Variants in TMEM117 observed in about 807,000 individuals in gnomAD.
The protein encoded by TMEM117 is transmembrane protein 117.
In TMEM117, 27 loss-of-function variants were observed where a neutral mutation model predicts 52.4. The observed-to-expected ratio is 0.51, with a 90% confidence interval of 0.38 to 0.71. TMEM117 has a LOEUF of 0.71. TMEM117 is among the 30% of genes least tolerant of loss of function. The pLI is 0.00. For synonymous variants in TMEM117, 215 were observed against 206.3 expected, an observed-to-expected ratio of 1.04 and a Z score of -0.36; for missense variants, 556 against 630.5, an observed-to-expected ratio of 0.88 and a Z score of 1.26.
chr12:43,868,726 A>G (rs2447116), intron 2 of TMEM117, among the ~76,000 whole-genome samples: 110,129 of 152,168 alleles, frequency 0.72, 43,217 homozygotes, highest in East Asian at 0.94. Context: ...TTATATTTTA[A>G]ATGCTTATAT....
rs531214350 is a variant in TMEM117, at chr12:44,166,836, T to C, written c.510+23212T>C. ...TTCCTGTCTCTGAAATTAGCCTCTC[T>C]ACCCAAATTTACAAGGCTTGTTATC... On this transcript the variant is annotated intron_variant, in intron 4 of 7. Transcript: ENST00000266534. Among the ~76,000 whole-genome samples, 8 of 152,338 alleles carry C rather than the reference T, an allele frequency of 5.3e-5. No homozygotes were observed. The South Asian group carries it at 1.7e-3, about 32-fold the overall frequency.
At chr12:44,164,841 A>G (rs1041004651) in intron 4 of TMEM117, among the ~76,000 whole-genome samples, 7 of 152,182 alleles carry the variant, frequency 4.6e-5, no homozygotes, top group African/African-American at 1.4e-4. Flanking sequence ...ATATTTTGAT[A>G]CATGCATGCA....
intron 3 of TMEM117, among the ~76,000 whole-genome samples, chr12:44,133,657 A>G (rs549994068): frequency 2.3e-4 from 35 of 152,066 alleles, no homozygotes; most frequent in Non-Finnish European, 4.7e-4. Flanking sequence ...GGCAATGAGA[A>G]CTAATTCACT....
chr12:44,278,361 C>A (rs1950540322), intron 5 of TMEM117, among the ~76,000 whole-genome samples: 1 of 152,194 alleles, frequency 6.6e-6, no homozygotes, highest in Non-Finnish European at 1.5e-5. Context: ...ATCTGAATAT[C>A]TGTCTTACAG....
intron 3 of TMEM117, among the ~76,000 whole-genome samples, chr12:44,075,625 G>A (rs558308138): frequency 2.0e-5 from 3 of 152,262 alleles, no homozygotes; most frequent in Non-Finnish European, 2.9e-5. Flanking sequence ...TATGCCAGTG[G>A]TAAGGTCAAG....
At chr12:44,120,983 G>A (rs1055296755) in intron 3 of TMEM117, among the ~76,000 whole-genome samples, 1 of 152,198 alleles carries the variant, frequency 6.6e-6, no homozygotes, top group Non-Finnish European at 1.5e-5. Flanking sequence ...AGGTTTATTG[G>A]ACTTACAGTT....
intron 3 of TMEM117, among the ~76,000 whole-genome samples, chr12:44,103,589 C>T (rs1476597336): frequency 6.6e-6 from 1 of 151,678 alleles, no homozygotes; most frequent in African/African-American, 2.4e-5. Flanking sequence ...CTTCTCATTC[C>T]TTTTTAATGT....
At chr12:44,235,372 CTTT>C (rs199764314) in intron 5 of TMEM117, among the ~76,000 whole-genome samples, 1 of 142,814 alleles carries the variant, frequency 7.0e-6, no homozygotes, top group Non-Finnish European at 1.5e-5. Context: ...ATCTGAAAAT[CTTT>C]TTTTTTTTTG....
intron 6 of TMEM117, among the ~76,000 whole-genome samples, chr12:44,371,954 C>T (rs1465448498): frequency 1.3e-5 from 2 of 152,210 alleles, no homozygotes; most frequent in East Asian, 1.9e-4. Context: ...ATGGGAAATA[C>T]ACCCATATGA....
At chr12:44,039,298 T>A (rs1265386458) in intron 3 of TMEM117, among the ~76,000 whole-genome samples, 1 of 151,794 alleles carries the variant, frequency 6.6e-6, no homozygotes, top group Non-Finnish European at 1.5e-5. Context: ...GTTTCTGGGC[T>A]CTGTACTCCT....
chr12:44,334,534 G>A (rs1951314336), intron 6 of TMEM117, among the ~76,000 whole-genome samples: 1 of 152,054 alleles, frequency 6.6e-6, no homozygotes, highest in Non-Finnish European at 1.5e-5. Context: ...AATGTGGTTG[G>A]TGCACATTTC....
chr12:43,935,250 A>G lies in TMEM117; in HGVS notation c.278-8960A>G, dbSNP rs370447156. 1.2e-3 allele frequency among the ~76,000 whole-genome samples: 179 copies of G among 152,330 alleles called. 1 individual carries two copies. The highest frequency in any genetic ancestry group is 3.7e-3 in the African/African-American group (154 of 41,570). Reference sequence around the variant, plus strand: ...AGTTTTTAGTTAGTGAATTTAAACAAAAATAGTCATATCATGTTTTTATAA... The same window carrying G: ...AGTTTTTAGTTAGTGAATTTAAACAGAAATAGTCATATCATGTTTTTATAA... On this transcript the variant is annotated intron_variant, in intron 2 of 7. Transcript: ENST00000266534.
intron 6 of TMEM117, among the ~76,000 whole-genome samples, chr12:44,358,293 C>G (rs1294148054): frequency 6.6e-6 from 1 of 151,500 alleles, no homozygotes; most frequent in African/African-American, 2.4e-5. Context: ...GGTAATGAAC[C>G]TGTATATATA....
At chr12:44,092,492 C>A (rs1042850088) in intron 3 of TMEM117, among the ~76,000 whole-genome samples, 1 of 152,088 alleles carries the variant, frequency 6.6e-6, no homozygotes, top group South Asian at 2.1e-4. Context: ...TGCTTTAATG[C>A]TAGCTTGTGT....
At chr12:44,368,587 A>T (rs1157948680) in intron 6 of TMEM117, among the ~76,000 whole-genome samples, 1 of 152,166 alleles carries the variant, frequency 6.6e-6, no homozygotes, top group Non-Finnish European at 1.5e-5. Context: ...CCTACTTTTG[A>T]CAGTATGCAA....
At position 44,389,625 on chromosome 12, in the gene TMEM117, T is replaced by C. The variant is rs1057197195; in HGVS notation, c.*953T>C. The C allele has an allele frequency of 1.3e-5, 2 of 152,572 alleles. No individual in the cohort carries two copies. Among genetic ancestry groups the C allele is most frequent in the African/African-American group, 2.4e-5 (1 of 41,454 alleles). The allele number at this position is 152,572 out of a possible 1,614,324, so 9.5% of individuals were successfully genotyped here. ...AGCAAGGGAACTCCTCAAAAAATCATGCAGCGGAACCTTGTCAGGTAGAGA... is the reference window on the plus strand; with the variant it reads ...AGCAAGGGAACTCCTCAAAAAATCACGCAGCGGAACCTTGTCAGGTAGAGA... On this transcript the variant is annotated 3_prime_UTR_variant, in exon 8 of 8. Coordinates refer to ENST00000266534, the MANE Select transcript of TMEM117 (RefSeq NM_032256.3).
intron 3 of TMEM117, among the ~76,000 whole-genome samples, chr12:44,141,279 T>C (rs536224235): frequency 4.5e-4 from 68 of 152,266 alleles, no homozygotes; most frequent in Non-Finnish European, 6.3e-4. Flanking sequence ...GCAGTTTTGC[T>C]ATATAGATAA....
intron 4 of TMEM117, among the ~76,000 whole-genome samples, chr12:44,152,195 A>C (rs1411867436): frequency 1.8e-5 from 2 of 109,454 alleles, no homozygotes; most frequent in Non-Finnish European, 3.3e-5. Context: ...AAATATATAT[A>C]AATATAATTA....
intron 4 of TMEM117, among the ~76,000 whole-genome samples, chr12:44,180,242 G>A (rs143624251): frequency 7.5e-4 from 113 of 151,586 alleles, no homozygotes; most frequent in African/African-American, 2.3e-3. Flanking sequence ...CATCATCATC[G>A]TCATCATCAT....
Sources: gnomAD v4.1 joint callset for allele counts (sites outside exome capture counted in the v4.1 genomes callset) on GRCh38, gnomAD v4.1.1 for gene constraint, MANE v1.5 for transcripts, NCBI Gene and HGNC (gene_info 2026-07-23, HGNC 2026-07-21) for gene names.